Variants in LRRC4C observed in about 807,000 individuals in gnomAD.
The protein encoded by LRRC4C is leucine-rich repeat-containing protein 4C.
LRRC4C carries 5 observed loss-of-function variants against 33.6 expected under a neutral mutation model. That is an observed-to-expected ratio of 0.15 (90% CI 0.08 to 0.31). The LOEUF is 0.31. Ranked by LOEUF, LRRC4C falls within the 10% of genes least tolerant of loss-of-function variation. LRRC4C has a pLI of 1.00. For synonymous variants in LRRC4C, 329 were observed against 302.0 expected, an observed-to-expected ratio of 1.09 and a Z score of -0.93; for missense variants, 560 against 796.7, an observed-to-expected ratio of 0.70 and a Z score of 3.58.
At chr11:40,731,095 G>A (rs968983921) in intron 2 of LRRC4C, among the ~76,000 whole-genome samples, 3 of 152,176 alleles carry the variant, frequency 2.0e-5, no homozygotes, top group Non-Finnish European at 4.4e-5. Flanking sequence ...CAAGGCAGGC[G>A]GATCACGAGG....
At chr11:41,077,386 C>T (rs1939232062) in intron 1 of LRRC4C, among the ~76,000 whole-genome samples, 1 of 152,230 alleles carries the variant, frequency 6.6e-6, no homozygotes, top group Non-Finnish European at 1.5e-5. Flanking sequence ...TCCATACATC[C>T]TCTGAAATCT....
intron 4 of LRRC4C, among the ~76,000 whole-genome samples, chr11:40,273,550 G>A (rs1942867131): frequency 6.6e-6 from 1 of 152,044 alleles, no homozygotes; most frequent in Non-Finnish European, 1.5e-5. Context: ...GCTTGGATGG[G>A]TTCCAAGAAA....
rs531237256 is a variant in LRRC4C, at chr11:40,372,353, A to G, written c.-269-52632T>C. Among the ~76,000 whole-genome samples the G allele has an allele frequency of 2.0e-5, 3 of 152,258 alleles. No individual in the cohort carries two copies. In the South Asian group the frequency reaches 6.2e-4, roughly 32 times the overall value. ...GTAATCATTTGATGGGATTTCAAAA[A>G]TCTCTGCCAGATAATGGGCATGTAG... On this transcript the variant is annotated intron_variant, in intron 3 of 6. Transcript: ENST00000528697.
chr11:40,876,856 T>C (rs1245184772), intron 2 of LRRC4C, among the ~76,000 whole-genome samples: 1 of 147,172 alleles, frequency 6.8e-6, no homozygotes, highest in Non-Finnish European at 1.5e-5. Flanking sequence ...TGAGCCAGGA[T>C]TGCGCCACTG....
intron 3 of LRRC4C, among the ~76,000 whole-genome samples, chr11:40,350,793 T>A (rs1947348509): frequency 6.6e-6 from 1 of 152,076 alleles, no homozygotes. Flanking sequence ...ACAGTTCTCA[T>A]TGTAGAGATC....
At chr11:40,733,227 C>T (rs1179244189) in intron 2 of LRRC4C, among the ~76,000 whole-genome samples, 1 of 151,536 alleles carries the variant, frequency 6.6e-6, no homozygotes, top group African/African-American at 2.4e-5. Flanking sequence ...AGGCGCCTGC[C>T]ACCACACCCG....
At chr11:40,840,401 C>G (rs1952860954) in intron 2 of LRRC4C, among the ~76,000 whole-genome samples, 1 of 152,114 alleles carries the variant, frequency 6.6e-6, no homozygotes, top group South Asian at 2.1e-4. Flanking sequence ...CCTCCTTTAA[C>G]TATGAAACTG....
At chr11:41,457,613 TA>T (rs1465871978) in intron 1 of LRRC4C, among the ~76,000 whole-genome samples, 3 of 152,136 alleles carry the variant, frequency 2.0e-5, no homozygotes, top group Non-Finnish European at 4.4e-5. Context: ...TCAAGCCATT[TA>T]AAAATTAAAA....
At chr11:40,454,763 G>A (rs1293946289) in intron 3 of LRRC4C, among the ~76,000 whole-genome samples, 1 of 152,060 alleles carries the variant, frequency 6.6e-6, no homozygotes, top group Admixed American at 6.6e-5. Context: ...TACTTTTTCA[G>A]GTATACATCT....
At chr11:40,633,643 G>A (rs796348610) in intron 3 of LRRC4C, among the ~76,000 whole-genome samples, 1 of 151,898 alleles carries the variant, frequency 6.6e-6, no homozygotes, top group African/African-American at 2.4e-5. Context: ...ATCCACCTTG[G>A]CCTCCCAAAG....
chr11:41,259,451 A>G (rs1441081041), intron 1 of LRRC4C, among the ~76,000 whole-genome samples: 2 of 152,034 alleles, frequency 1.3e-5, no homozygotes, highest in East Asian at 3.8e-4. Context: ...AGTATCTTTT[A>G]TGAAACAATT....
At chr11:40,704,022 C>T (rs1002757383) in intron 2 of LRRC4C, among the ~76,000 whole-genome samples, 6 of 152,002 alleles carry the variant, frequency 3.9e-5, no homozygotes, top group Admixed American at 6.6e-5. Flanking sequence ...ACCAATCATG[C>T]GCTGAAAATA....
In LRRC4C at chr11:40,796,635, CTTTT is replaced by C. The variant is rs1188389556; in HGVS notation, c.-407+136996_-407+136999del. On this transcript the variant is annotated intron_variant, in intron 2 of 6. Coordinates refer to ENST00000528697, the MANE Select transcript of LRRC4C (RefSeq NM_001258419.2). ...AAACAAAAGAGGGCTAAGCAGAACT[CTTTT>C]TTTTTTTTTTTTTTTTTTTTATTTT... 5.7e-3 allele frequency among the ~76,000 whole-genome samples: 601 copies of C among 104,956 alleles called. 5 individuals carry two copies. The highest frequency in any genetic ancestry group is 0.022 in the African/African-American group (575 of 26,354). The allele number at this position is 104,956 out of a possible 152,430, so 68.9% of individuals were successfully genotyped here.
intron 2 of LRRC4C, among the ~76,000 whole-genome samples, chr11:40,740,404 TTGAGGAATTTTTAATATGTCTGC>T (rs1420056309): frequency 6.6e-6 from 1 of 151,982 alleles, no homozygotes; most frequent in African/African-American, 2.4e-5. Flanking sequence ...TTCACTGTTG[TTGAGGAATTTTTAATATGTCTGC>T]TGGCTATTTT....
intron 1 of LRRC4C, among the ~76,000 whole-genome samples, chr11:40,938,426 C>A (rs1352570792): frequency 6.6e-6 from 1 of 152,068 alleles, no homozygotes. Flanking sequence ...AGACATTGTA[C>A]AAACAACAAC....
chr11:40,585,589 A>G lies in LRRC4C; in HGVS notation c.-270+62553T>C, dbSNP rs1958689959. On this transcript the variant is annotated intron_variant, in intron 3 of 6. Transcript: ENST00000528697. ...TGCACCCACTAACTCGTCATCTAGC[A>G]TTAGGTATATCTCCCAATGGTATCC... is the stretch of plus-strand genomic sequence containing the variant. Among the ~76,000 whole-genome samples the G allele has an allele frequency of 6.9e-5, 10 of 145,230 alleles. No individual in the cohort carries two copies. In the Admixed American group the frequency reaches 6.9e-4, roughly 10 times the overall value.
At position 40,114,552 on chromosome 11, in the gene LRRC4C, T is replaced by A; in HGVS notation, c.1741A>T (p.Met581Leu). ...GCAGGCATGGGCAGGTGGCTTTCCATGGGTGTGTCTCCCGTAATCTCATCA... is the reference window on the plus strand; with the variant it reads ...GCAGGCATGGGCAGGTGGCTTTCCAAGGGTGTGTCTCCCGTAATCTCATCA... The part of the protein sequence containing the change: ...VDDEITGDTP[M>L]ESHLPMPAIE... The change falls in exon 7 of 7, where the codon ATG becomes TTG. Residue 581 changes from methionine (M) to leucine (L), a missense_variant. Physicochemically the swap from Met to Leu is conservative, Grantham distance 15 (BLOSUM62 2). Transcript: ENST00000528697. 1.9e-6 allele frequency: 3 copies of A among 1,614,156 alleles called. No individual in the cohort carries two copies.
At chr11:40,213,067 C>A (rs1863721132) in intron 5 of LRRC4C, among the ~76,000 whole-genome samples, 1 of 152,116 alleles carries the variant, frequency 6.6e-6, no homozygotes, top group Non-Finnish European at 1.5e-5. Flanking sequence ...GTCCTTTTAA[C>A]AAAAGGACCA....
At chr11:41,111,402 G>A (rs1160395048) in intron 1 of LRRC4C, among the ~76,000 whole-genome samples, 3 of 152,018 alleles carry the variant, frequency 2.0e-5, no homozygotes, top group African/African-American at 7.2e-5. Flanking sequence ...CTTATTTTCT[G>A]TGAACATAGC....
Sources: allele counts gnomAD v4.1 joint callset (sites outside exome capture counted in the v4.1 genomes callset), GRCh38; gene constraint gnomAD v4.1.1; transcripts MANE v1.5; gene names NCBI Gene and HGNC (gene_info 2026-07-23, HGNC 2026-07-21).